COL16A1: variants seen among roughly 807,000 people sequenced by gnomAD.
COL16A1 encodes the protein collagen type XVI alpha 1 chain, also known as collagen alpha-1(XVI) chain.
A neutral mutation model predicts 266.3 loss-of-function variants in COL16A1; 189 were observed. The observed-to-expected ratio is 0.71, with a 90% CI of 0.63 to 0.80. The LOEUF is 0.80. Among genes scored for constraint, COL16A1 ranks in the 30% least tolerant of loss-of-function variants. COL16A1 has a pLI of 0.00. For synonymous variants in COL16A1, 740 were observed against 782.3 expected (o/e 0.95, Z 0.90); for missense variants, 1,928 against 2,122.4 (o/e 0.91, Z 1.80).
intron 42 of COL16A1, 104 bp downstream of exon 42, chr1:31,679,528 G>A (rs1643444034): frequency 6.2e-7 from 1 of 1,613,992 alleles, no homozygotes; most frequent in South Asian, 1.1e-5. Context: ...GCATGTCTGT[G>A]TTTTTGGGGT....
chr1:31,689,395 C>A, intron 23 of COL16A1: 1 of 573,882 alleles, frequency 1.7e-6, no homozygotes, highest in Non-Finnish European at 3.1e-6. Context: ...GGGGCTAACC[C>A]AGTCCTGCTC....
Position 31,652,696 on chromosome 1 carries a change from C to T in COL16A1, c.4770G>A (p.Glu1590=), listed in dbSNP as rs756721425. The T allele has an allele frequency of 1.2e-5, 19 of 1,605,556 alleles. No homozygotes were observed. Among genetic ancestry groups the T allele is most frequent in the Non-Finnish European group, 1.6e-5 (19 of 1,177,502 alleles). Residue 1590 remains glutamate, a synonymous_variant, in exon 71 of 71, where the codon GAG becomes GAA. Coordinates refer to ENST00000373672, the MANE Select transcript of COL16A1 (RefSeq NM_001856.4). The surrounding 1 kb of genome is among the most constrained non-coding windows in gnomAD (Gnocchi z 4.8). ...PSDCFGAMPM[E]QQYPPMKTMK... Reference sequence around the variant, plus strand: ...TGGTTTTCATGGGTGGGTACTGCTGCTCCATCGGCATGGCCCCAAAGCAGT... The same window carrying T: ...TGGTTTTCATGGGTGGGTACTGCTGTTCCATCGGCATGGCCCCAAAGCAGT...
intron 37 of COL16A1, among the ~76,000 whole-genome samples, chr1:31,681,530 C>A (rs1349275516): frequency 2.0e-5 from 3 of 152,272 alleles, no homozygotes; most frequent in Admixed American, 6.5e-5. Flanking sequence ...ATTTCAGCCC[C>A]TCCAAGAAAT....
At position 31,662,674 on chromosome 1, in the gene COL16A1, G is replaced by GCCCCCCCCCCCCCC; in HGVS notation, c.3556-17_3556-16insGGGGGGGGGGGGGG. On this transcript the variant is annotated splice_polypyrimidine_tract_variant and intron_variant, in intron 56 of 70. Coordinates refer to ENST00000373672, the MANE Select transcript of COL16A1 (RefSeq NM_001856.4). Reference sequence around the variant, plus strand: ...CTTCGCTGCCCTGGAAACCAGCGCCGCCCCCCCCCCCCGCCCCACAATAAA... The same window carrying GCCCCCCCCCCCCCC: ...CTTCGCTGCCCTGGAAACCAGCGCCGCCCCCCCCCCCCCCCCCCCCCCCCCCGCCCCACAATAAA... 7.9e-7 allele frequency: 1 copy of GCCCCCCCCCCCCCC among 1,263,604 alleles called. No homozygotes were observed. 78.3% of individuals were successfully genotyped at this position (1,263,604 alleles called of 1,614,324 possible).
At chr1:31,669,518 C>A (rs1264487752) in intron 49 of COL16A1, among the ~76,000 whole-genome samples, 3 of 152,056 alleles carry the variant, frequency 2.0e-5, no homozygotes, top group Non-Finnish European at 4.4e-5. Flanking sequence ...GCCCCCTTCT[C>A]CCTCATCCCC....
At chr1:31,690,459 G>A in intron 21 of COL16A1, 66 bp from the exon 22 acceptor site, 1 of 1,614,182 alleles carries the variant, frequency 6.2e-7, no homozygotes, top group East Asian at 2.2e-5. Flanking sequence ...CTGAGGGCCG[G>A]AGGACCTAGC....
chr1:31,683,158 A>G, intron 36 of COL16A1, 36 bp downstream of exon 36: 1 of 1,613,894 alleles, frequency 6.2e-7, no homozygotes, highest in Non-Finnish European at 8.5e-7. Flanking sequence ...ACTCTGGAAT[A>G]CTGCAGGCCC....
Position 31,661,132 on chromosome 1 carries a change from G to T in COL16A1, c.3772-13C>A. 6.4e-7 allele frequency: 1 copy of T among 1,559,092 alleles called. No homozygotes were observed. Among genetic ancestry groups the T allele is most frequent in the East Asian group, 2.4e-5 (1 of 42,010 alleles). On this transcript the variant is annotated splice_polypyrimidine_tract_variant and intron_variant, in intron 60 of 70. Coordinates refer to ENST00000373672, the MANE Select transcript of COL16A1 (RefSeq NM_001856.4). ...TGCCACAGTCACCCTAGAAGAGAGA[G>T]GAGCAGCTGGAGCTTACCAGACCTT...
At chr1:31,675,679 G>C (rs1043612907) in intron 42 of COL16A1, among the ~76,000 whole-genome samples, 1 of 145,272 alleles carries the variant, frequency 6.9e-6, no homozygotes, top group African/African-American at 2.6e-5. Flanking sequence ...TTTTTTCTTT[G>C]TAGAGACGGG....
Position 31,667,559 on chromosome 1 carries a change from C to G in COL16A1, c.3357+16G>C, listed in dbSNP as rs572402885. On this transcript the variant is annotated intron_variant, in intron 52 of 70. Coordinates refer to ENST00000373672, the MANE Select transcript of COL16A1 (RefSeq NM_001856.4). ...ACGTGCAGCCCTGCATCCAGCCCCACGCCGCTGGGACTCACCGGCTCTCCT... is the reference window on the plus strand; with the variant it reads ...ACGTGCAGCCCTGCATCCAGCCCCAGGCCGCTGGGACTCACCGGCTCTCCT... The G allele has an allele frequency of 6.9e-6, 11 of 1,583,096 alleles. No individual in the cohort carries two copies. Among genetic ancestry groups the G allele is most frequent in the Admixed American group, 3.5e-5 (2 of 56,486 alleles).
Position 31,655,375 on chromosome 1 carries a change from CCT to C in COL16A1, c.4227_4228del (p.Gly1410ProfsTer27). On this transcript the variant is annotated frameshift_variant, in exon 67 of 71. Transcript: ENST00000373672. LOFTEE classifies it high-confidence loss of function. ...CGAAGGCCCCGGAGCTCCAGGGTGG[CCT>C]CTCTCTCCTGCAGGGCCCGGTGGCC... The C allele has an allele frequency of 6.2e-7, 1 of 1,614,018 alleles. No individual in the cohort carries two copies.
intron 22 of COL16A1, chr1:31,690,063 C>T (rs1425766549): frequency 2.4e-5 from 15 of 617,838 alleles, no homozygotes; most frequent in South Asian, 1.4e-4. Flanking sequence ...ACTACATCCT[C>T]GCCGTAAGCC....
chr1:31,679,132 T>C (rs2148744022), intron 42 of COL16A1: 1 of 317,454 alleles, frequency 3.2e-6, no homozygotes, highest in Non-Finnish European at 5.8e-6. Flanking sequence ...ACCATTCTCC[T>C]TAGTATGTAT....
chr1:31,670,724 TG>T lies in COL16A1; in HGVS notation c.3151-79del, dbSNP rs1204520909. On this transcript the variant is annotated intron_variant, in intron 48 of 70. Transcript: ENST00000373672. This position sits in a 1 kb window ranked among gnomAD's most constrained non-coding sequence, Gnocchi z 4.5. ...AGCCTGGAGGGCACAGTCTGGGGCT[TG>T]GGGGTCATGGGGAGAGGAGGTCATG... is the stretch of plus-strand genomic sequence containing the variant. 5.0e-6 allele frequency: 6 copies of T among 1,206,480 alleles called. No individual in the cohort carries two copies. The highest frequency in any genetic ancestry group is 4.4e-6 in the Non-Finnish European group (4 of 911,672). The allele number at this position is 1,206,480 out of a possible 1,614,324, so 74.7% of individuals were successfully genotyped here.
In COL16A1 at chr1:31,691,624, A is replaced by G; in HGVS notation, c.1276T>C (p.Cys426Arg). 6.2e-7 allele frequency: 1 copy of G among 1,613,740 alleles called. No homozygotes were observed. Among genetic ancestry groups the G allele is most frequent in the Non-Finnish European group, 8.5e-7 (1 of 1,179,970 alleles). Residue 426 changes from cysteine to arginine, a missense_variant, in exon 18 of 71, where the codon TGT becomes CGT. By Grantham distance (180) the Cys-to-Arg change is radical (BLOSUM62 -3). Coordinates refer to ENST00000373672, the MANE Select transcript of COL16A1 (RefSeq NM_001856.4). Reference sequence around the variant, plus strand: ...TTCTGCCCTTTGGGCCCAATGACACAGATCTCTCCTGGCCGGCCCTGTGGG... The same window carrying G: ...TTCTGCCCTTTGGGCCCAATGACACGGATCTCTCCTGGCCGGCCCTGTGGG... ...PGRDGRPGEI[C>R]VIGPKGQKGD...
In COL16A1 at chr1:31,670,446, G is replaced by A. The variant is rs1453173490; in HGVS notation, c.3195+156C>T. ...GACTGGGAGGATGTCCAAGCTGCCGGGACCTCAGAGAACCCGTGTCGTTAG... is the reference window on the plus strand; with the variant it reads ...GACTGGGAGGATGTCCAAGCTGCCGAGACCTCAGAGAACCCGTGTCGTTAG... On this transcript the variant is annotated intron_variant, in intron 49 of 70. Transcript: ENST00000373672. The surrounding 1 kb of genome is among the most constrained non-coding windows in gnomAD (Gnocchi z 4.5). The A allele has an allele frequency of 5.3e-6, 5 of 944,112 alleles. No individual in the cohort carries two copies. The highest frequency in any genetic ancestry group is 7.2e-6 in the Non-Finnish European group (5 of 697,868). 58.5% of individuals were successfully genotyped at this position (944,112 alleles called of 1,614,324 possible). A position where few individuals can be genotyped will look rare whatever the true frequency, so the allele number is the denominator to read the frequency against.
At chr1:31,700,237 TCCTGCCTTCACCA>T in intron 2 of COL16A1, 122 bp from the exon 3 acceptor site, 1 of 892,664 alleles carries the variant, frequency 1.1e-6, no homozygotes, top group Non-Finnish European at 1.8e-6. Flanking sequence ...ATCAGCTAGA[TCCTGCCTTCACCA>T]CCTGCCTTCT....
intron 42 of COL16A1, among the ~76,000 whole-genome samples, chr1:31,676,424 C>T (rs1452107013): frequency 1.3e-5 from 2 of 152,052 alleles, no homozygotes; most frequent in Admixed American, 1.3e-4. Flanking sequence ...GGATCACTGG[C>T]TTCTAACCCC....
At chr1:31,683,655 C>G in intron 34 of COL16A1, 52 bp downstream of exon 34, 4 of 1,610,122 alleles carry the variant, frequency 2.5e-6, no homozygotes, top group South Asian at 1.1e-5. Context: ...AAGTAGGTAG[C>G]TGGCTAATGG....
Sources: allele counts gnomAD v4.1 joint callset (sites outside exome capture counted in the v4.1 genomes callset), GRCh38; gene constraint gnomAD v4.1.1; non-coding constraint Gnocchi (gnomAD v3.1); transcripts MANE v1.5; gene names NCBI Gene and HGNC (gene_info 2026-07-23, HGNC 2026-07-21).